TMED5: variants seen among roughly 807,000 people sequenced by gnomAD.
The protein encoded by TMED5 is transmembrane p24 trafficking protein 5.
A neutral mutation model predicts 23.0 loss-of-function variants in TMED5; 27 were observed. That is an observed-to-expected ratio of 1.17 (90% CI 0.86 to 1.62). The LOEUF is 1.62. TMED5 is among the 40% of genes most tolerant of loss of function. The probability of loss-of-function intolerance (pLI) is 0.00; values close to 1 mark genes in which losing one functional copy is unlikely to be tolerated. For missense variants in TMED5, 248 were observed against 273.7 expected, an observed-to-expected ratio of 0.91 and a Z score of 0.66; for synonymous variants, 97 against 100.8, an observed-to-expected ratio of 0.96 and a Z score of 0.23.
In TMED5 at chr1:93,168,246, T is replaced by G. The variant is rs1345590491; in HGVS notation, c.190-8020A>C. On this transcript the variant is annotated intron_variant, in intron 1 of 3. Transcript: ENST00000370282. ...GGAAAGATGTAAAAAGAAGAACAAG[T>G]ACAATGAATAGAAAGGAGTTATAAA... Among the ~76,000 whole-genome samples, 3 of 152,012 alleles carry G rather than the reference T, an allele frequency of 2.0e-5. No homozygotes were observed. The East Asian group carries it at 5.8e-4, about 29-fold the overall frequency.
Position 93,154,365 on chromosome 1 carries a change from A to G in TMED5, c.*305T>C, listed in dbSNP as rs1647980587. ...GGTGTTGCAATTAGGCCCAATACTCATTTATTTAAATCACCTAAGACATTT... is the reference window on the plus strand; with the variant it reads ...GGTGTTGCAATTAGGCCCAATACTCGTTTATTTAAATCACCTAAGACATTT... On this transcript the variant is annotated 3_prime_UTR_variant, in exon 4 of 4. Transcript: ENST00000370282. 1 of 296,114 alleles carries G rather than the reference A, an allele frequency of 3.4e-6. No homozygotes were observed. Among genetic ancestry groups the G allele is most frequent in the South Asian group, 5.7e-5 (1 of 17,684 alleles). The allele number at this position is 296,114 out of a possible 1,614,324, so 18.3% of individuals were successfully genotyped here.
Position 93,150,168 on chromosome 1 carries a change from A to G in TMED5, c.*4502T>C, listed in dbSNP as rs1424935543. On this transcript the variant is annotated 3_prime_UTR_variant, in exon 4 of 4. Transcript: ENST00000370282. ...CTGGCAACCACGAATCTTGTTTCCC[A>G]TCTCTATAGCTTTATTATTTAAGAA... 6.6e-6 allele frequency: 1 copy of G among 152,200 alleles called. No homozygotes were observed. The highest frequency in any genetic ancestry group is 6.5e-5 in the Admixed American group (1 of 15,282). The allele number at this position is 152,200 out of a possible 1,614,324, so 9.4% of individuals were successfully genotyped here. A position where few individuals can be genotyped will look rare whatever the true frequency, so the allele number is the denominator to read the frequency against.
In TMED5 at chr1:93,151,500, A is replaced by G. The variant is rs1240747383; in HGVS notation, c.*3170T>C. On this transcript the variant is annotated 3_prime_UTR_variant, in exon 4 of 4. Transcript: ENST00000370282. ...GGATTCTATATTGTGTTGGTTGAAA[A>G]TTAAGAATCCTGAGCCATATTCCAG... The G allele has an allele frequency of 6.6e-6, 1 of 152,188 alleles. No homozygotes were observed. Among genetic ancestry groups the G allele is most frequent in the Non-Finnish European group, 1.5e-5 (1 of 68,026 alleles). The allele number at this position is 152,188 out of a possible 1,614,324, so 9.4% of individuals were successfully genotyped here.
chr1:93,177,627 AGAGTGACT>A (rs1648966423), intron 1 of TMED5, among the ~76,000 whole-genome samples: 2 of 148,746 alleles, frequency 1.3e-5, no homozygotes, highest in African/African-American at 5.1e-5. Flanking sequence ...AGTCCCTTTA[AGAGTGACT>A]AAAGATGTAA....
intron 1 of TMED5, among the ~76,000 whole-genome samples, chr1:93,171,159 C>A (rs143406290): frequency 6.6e-6 from 1 of 152,150 alleles, no homozygotes; most frequent in Non-Finnish European, 1.5e-5. Context: ...AGCGAGACCA[C>A]AAACCCACCA....
chr1:93,156,839 A>G (rs2101127457), intron 2 of TMED5, among the ~76,000 whole-genome samples: 1 of 151,634 alleles, frequency 6.6e-6, no homozygotes, highest in South Asian at 2.1e-4. Context: ...GAAACCAACA[A>G]AACAAAAAAC....
At chr1:93,160,061 T>G (rs1408130210) in intron 2 of TMED5, 68 bp downstream of exon 2, 1 of 909,658 alleles carries the variant, frequency 1.1e-6, no homozygotes, top group East Asian at 2.5e-5. Flanking sequence ...TGTGCTAACT[T>G]TCCATGCCCT....
chr1:93,167,541 G>A (rs1158885279), intron 1 of TMED5, among the ~76,000 whole-genome samples: 1 of 151,890 alleles, frequency 6.6e-6, no homozygotes, highest in Non-Finnish European at 1.5e-5. Flanking sequence ...CTTTTTAAAT[G>A]TCTTTTTCAG....
chr1:93,168,452 G>A (rs2152358), intron 1 of TMED5, among the ~76,000 whole-genome samples: 76,023 of 152,088 alleles, frequency 0.5, 22,386 homozygotes, highest in South Asian at 0.68. Context: ...AAGATATACC[G>A]TGTTAACACT....
At chr1:93,179,944 T>C in intron 1 of TMED5, 110 bp downstream of exon 1, 1 of 1,247,310 alleles carries the variant, frequency 8.0e-7, no homozygotes. Context: ...TGAACGGCCC[T>C]CGCCTCTTCA....
At position 93,180,349 on chromosome 1, in the gene TMED5, A is replaced by G. The variant is rs1649303704; in HGVS notation, c.-107T>C. On this transcript the variant is annotated 5_prime_UTR_variant, in exon 1 of 4. Transcript: ENST00000370282. Reference sequence around the variant, plus strand: ...GTTGACAGGGAAATCTGGAGTCTGAAGAAACTCCAGGTGGCGGCCGCGGCG... The same window carrying G: ...GTTGACAGGGAAATCTGGAGTCTGAGGAAACTCCAGGTGGCGGCCGCGGCG... The G allele has an allele frequency of 7.3e-7, 1 of 1,373,276 alleles. No individual in the cohort carries two copies. The highest frequency in any genetic ancestry group is 9.8e-7 in the Non-Finnish European group (1 of 1,019,906). The allele number at this position is 1,373,276 out of a possible 1,614,324, so 85.1% of individuals were successfully genotyped here. A position where few individuals can be genotyped will look rare whatever the true frequency, so the allele number is the denominator to read the frequency against.
chr1:93,157,034 TA>T (rs1571270767), intron 2 of TMED5, among the ~76,000 whole-genome samples: 2 of 152,046 alleles, frequency 1.3e-5, no homozygotes, highest in Non-Finnish European at 2.9e-5. Flanking sequence ...AGGATAGAAT[TA>T]AAAACCTGTA....
At chr1:93,166,951 G>T (rs999705542) in intron 1 of TMED5, among the ~76,000 whole-genome samples, 1 of 152,056 alleles carries the variant, frequency 6.6e-6, no homozygotes, top group African/African-American at 2.4e-5. Flanking sequence ...ACAGTGAGAG[G>T]TAGAGATCTA....
chr1:93,174,681 C>A (rs558403455), intron 1 of TMED5, among the ~76,000 whole-genome samples: 2 of 152,096 alleles, frequency 1.3e-5, no homozygotes, highest in East Asian at 1.9e-4. Flanking sequence ...CTGTTGTTTC[C>A]GTCTTTGTGT....
At chr1:93,170,011 T>G (rs996395810) in intron 1 of TMED5, among the ~76,000 whole-genome samples, 4 of 152,012 alleles carry the variant, frequency 2.6e-5, no homozygotes, top group African/African-American at 9.7e-5. Flanking sequence ...AAGGCTGCTG[T>G]GAGGTATGAT....
intron 3 of TMED5, among the ~76,000 whole-genome samples, chr1:93,155,502 G>C (rs1648039369): frequency 6.7e-6 from 1 of 149,168 alleles, no homozygotes; most frequent in African/African-American, 2.5e-5. Flanking sequence ...CTCTTTCTTA[G>C]TCCTCACACA....
chr1:93,165,928 G>A (rs1319847919), intron 1 of TMED5, among the ~76,000 whole-genome samples: 1 of 151,952 alleles, frequency 6.6e-6, no homozygotes, highest in Non-Finnish European at 1.5e-5. Flanking sequence ...ACTCTTCCCA[G>A]CCTTTGTTAA....
intron 1 of TMED5, among the ~76,000 whole-genome samples, chr1:93,178,240 T>TTAAAGTC (rs1182779104): frequency 6.6e-6 from 1 of 152,162 alleles, no homozygotes; most frequent in Admixed American, 6.5e-5. Flanking sequence ...CACCCTAGAC[T>TTAAAGTC]TTATATGTCT....
chr1:93,167,911 T>C (rs1021421831), intron 1 of TMED5, among the ~76,000 whole-genome samples: 2 of 152,218 alleles, frequency 1.3e-5, no homozygotes, highest in Non-Finnish European at 2.9e-5. Flanking sequence ...GGTTTTATTA[T>C]GTTGAGGTAT....
Sources: gnomAD v4.1 joint callset for allele counts (sites outside exome capture counted in the v4.1 genomes callset) on GRCh38, gnomAD v4.1.1 for gene constraint, MANE v1.5 for transcripts, NCBI Gene and HGNC (gene_info 2026-07-23, HGNC 2026-07-21) for gene names.